Variants in GRM7 observed in about 807,000 individuals in gnomAD.
GRM7 encodes glutamate metabotropic receptor 7.
Under a neutral mutation model 84.5 loss-of-function variants are expected in GRM7, and 35 were observed. The ratio of observed to expected loss-of-function variants is 0.41; its 90% confidence interval spans 0.32 to 0.55. The LOEUF is 0.55. Among genes scored for constraint, GRM7 ranks in the 20% least tolerant of loss-of-function variants. The probability of loss-of-function intolerance (pLI) is 0.19; values close to 1 mark genes in which losing one functional copy is unlikely to be tolerated. For missense variants in GRM7, 1,003 were observed against 1,194.6 expected (o/e 0.84, Z 2.36); for synonymous variants, 487 against 455.1 (o/e 1.07, Z -0.89).
At chr3:7,493,681 A>T (rs1017845248) in intron 7 of GRM7, among the ~76,000 whole-genome samples, 1 of 151,912 alleles carries the variant, frequency 6.6e-6, no homozygotes, top group Non-Finnish European at 1.5e-5. Context: ...ATTTCAGGTA[A>T]TTAATATATT....
At chr3:7,028,855 A>G (rs1047889318) in intron 1 of GRM7, among the ~76,000 whole-genome samples, 1 of 152,254 alleles carries the variant, frequency 6.6e-6, no homozygotes, top group Non-Finnish European at 1.5e-5. Flanking sequence ...AAAATGTATA[A>G]TAATACAATC....
rs80182499 is a variant in GRM7 at position 7,655,016 on chromosome 3, T to C, written c.2452-25033T>C. Among the ~76,000 whole-genome samples the C allele has an allele frequency of 4.0e-3, 613 of 152,294 alleles. 16 individuals are homozygous for C. In the East Asian group the frequency reaches 0.089, roughly 22 times the overall value. On this transcript the variant is annotated intron_variant, in intron 8 of 9. Transcript: ENST00000357716. Reference sequence around the variant, plus strand: ...ACTCTCTTAACGGTGTCCTCAATTGTCCGTGGTTCTAGTTCTGTGAACAGA... The same window carrying C: ...ACTCTCTTAACGGTGTCCTCAATTGCCCGTGGTTCTAGTTCTGTGAACAGA...
intron 7 of GRM7, among the ~76,000 whole-genome samples, chr3:7,516,661 C>A (rs1700404150): frequency 6.6e-6 from 1 of 152,028 alleles, no homozygotes; most frequent in Admixed American, 6.6e-5. Context: ...GAGGTATGAG[C>A]TGGAGCATTG....
intron 1 of GRM7, among the ~76,000 whole-genome samples, chr3:7,132,952 AT>A (rs752405191): frequency 5.4e-4 from 82 of 150,564 alleles, no homozygotes; most frequent in African/African-American, 1.8e-3. Flanking sequence ...TGAATAATCG[AT>A]TTTTTTTTTA....
intron 2 of GRM7, among the ~76,000 whole-genome samples, chr3:7,251,160 T>C (rs1467338810): frequency 6.6e-6 from 1 of 152,124 alleles, no homozygotes; most frequent in African/African-American, 2.4e-5. Context: ...GAATATTACG[T>C]GATTAAGTAT....
At chr3:7,291,487 CAGCTCTCTCTCTCTCTCTCTCTCTCT>C (rs1369935235) in intron 2 of GRM7, among the ~76,000 whole-genome samples, 1 of 99,126 alleles carries the variant, frequency 1.0e-5, no homozygotes, top group Non-Finnish European at 2.0e-5. Flanking sequence ...AAAGTCATGC[CAGCTCTCTCTCTCTCTCTCTCTCTCT>C]CTCTCTCTCT....
chr3:6,952,158 C>G (rs61132183), intron 1 of GRM7, among the ~76,000 whole-genome samples: 23,716 of 152,002 alleles, frequency 0.16, 1,977 homozygotes, highest in African/African-American at 0.21. Flanking sequence ...TTCATTCATT[C>G]TGGTGTTCCT....
At chr3:6,966,121 C>T (rs1693508726) in intron 1 of GRM7, among the ~76,000 whole-genome samples, 2 of 152,154 alleles carry the variant, frequency 1.3e-5, no homozygotes, top group Non-Finnish European at 1.5e-5. Context: ...CCAGGTCCTT[C>T]CGATGTTAAC....
intron 8 of GRM7, among the ~76,000 whole-genome samples, chr3:7,591,280 A>G (rs1461039246): frequency 2.0e-5 from 3 of 152,206 alleles, no homozygotes; most frequent in African/African-American, 7.2e-5. Context: ...GAAGTTATTT[A>G]TTGAAATTGA....
intron 8 of GRM7, among the ~76,000 whole-genome samples, chr3:7,656,547 G>GCGCACA (rs1553632745): frequency 2.2e-4 from 30 of 139,300 alleles, no homozygotes; most frequent in African/African-American, 7.2e-4. Flanking sequence ...ATACGCGCGC[G>GCGCACA]CACACACACA....
At chr3:7,277,649 G>T (rs1297611485) in intron 2 of GRM7, among the ~76,000 whole-genome samples, 1 of 151,904 alleles carries the variant, frequency 6.6e-6, no homozygotes, top group Non-Finnish European at 1.5e-5. Context: ...TTTTTAATTT[G>T]TTCATTCTCA....
intron 9 of GRM7, among the ~76,000 whole-genome samples, chr3:7,723,466 A>G (rs1702021343): frequency 6.6e-6 from 1 of 152,180 alleles, no homozygotes; most frequent in Non-Finnish European, 1.5e-5. Context: ...ACAGGAATGG[A>G]CAGTGTGTGC....
At position 7,146,390 on chromosome 3, in the gene GRM7, T is replaced by G. The variant is rs78426272; in HGVS notation, c.520-62T>G. 984 of 1,232,420 alleles carry G rather than the reference T, an allele frequency of 8.0e-4. 11 individuals are homozygous for G. In the African/African-American group the frequency reaches 0.013, roughly 16 times the overall value. 76.3% of individuals were successfully genotyped at this position (1,232,420 alleles called of 1,614,324 possible). ...TGTATTTTAAGTAAACTGTCATAAG[T>G]ATAAATGAGTCTCTTACATCCTGAC... On this transcript the variant is annotated intron_variant, in intron 1 of 9. Transcript: ENST00000357716.
At chr3:6,992,458 T>G (rs1401111966) in intron 1 of GRM7, among the ~76,000 whole-genome samples, 1 of 152,184 alleles carries the variant, frequency 6.6e-6, no homozygotes. Flanking sequence ...AGGCCACTCC[T>G]TCATATCAAT....
At chr3:7,006,466 G>A (rs549851416) in intron 1 of GRM7, among the ~76,000 whole-genome samples, 15 of 152,290 alleles carry the variant, frequency 9.8e-5, no homozygotes, top group African/African-American at 3.1e-4. Context: ...CCTTCCATCA[G>A]ATTGTAAAGA....
At chr3:7,263,732 G>A (rs1422934036) in intron 2 of GRM7, among the ~76,000 whole-genome samples, 2 of 152,084 alleles carry the variant, frequency 1.3e-5, no homozygotes, top group Non-Finnish European at 2.9e-5. Flanking sequence ...GCAGTGTGAC[G>A]GCAGGGGTGG....
chr3:7,384,950 T>C (rs1413816363), intron 4 of GRM7, among the ~76,000 whole-genome samples: 1 of 152,214 alleles, frequency 6.6e-6, no homozygotes, highest in South Asian at 2.1e-4. Flanking sequence ...AAACAATAGA[T>C]GTAATACTGG....
chr3:7,619,863 G>A (rs777953402), intron 8 of GRM7, among the ~76,000 whole-genome samples: 1 of 152,140 alleles, frequency 6.6e-6, no homozygotes, highest in East Asian at 1.9e-4. Context: ...GTAGTCATGG[G>A]ATCTGGCCTT....
At chr3:7,645,937 G>A (rs1025053977) in intron 8 of GRM7, among the ~76,000 whole-genome samples, 14 of 150,804 alleles carry the variant, frequency 9.3e-5, no homozygotes, top group South Asian at 4.1e-4. Flanking sequence ...CTTGGGGAGC[G>A]TCTGTTTGGT....
Sources: allele counts gnomAD v4.1 joint callset (sites outside exome capture counted in the v4.1 genomes callset), GRCh38; gene constraint gnomAD v4.1.1; transcripts MANE v1.5; gene names NCBI Gene and HGNC (gene_info 2026-07-23, HGNC 2026-07-21).